Variants in CRB1 observed in about 807,000 individuals in gnomAD.
The protein encoded by CRB1 is crumbs cell polarity complex component 1.
A neutral mutation model predicts 120.0 loss-of-function variants in CRB1; 83 were observed. That is an observed-to-expected ratio of 0.69 (90% CI 0.58 to 0.83). The LOEUF is 0.83. Among genes scored for constraint, CRB1 ranks in the 40% least tolerant of loss-of-function variants. The pLI, the probability that CRB1 is intolerant of heterozygous loss-of-function variation, is 0.00. For missense variants in CRB1, 1,699 were observed against 1,687.6 expected, an observed-to-expected ratio of 1.01 and a Z score of -0.12; for synonymous variants, 625 against 612.5, an observed-to-expected ratio of 1.02 and a Z score of -0.30.
intron 2 of CRB1, among the ~76,000 whole-genome samples, chr1:197,336,125 T>C (rs1417475776): frequency 6.6e-6 from 1 of 152,248 alleles, no homozygotes; most frequent in Non-Finnish European, 1.5e-5. Flanking sequence ...AGCACTTCTT[T>C]TACTTTTAAT....
chr1:197,265,267 C>T (rs1055074259), upstream of CRB1, among the ~76,000 whole-genome samples: 3 of 151,634 alleles, frequency 2.0e-5, no homozygotes, highest in Admixed American at 1.3e-4. Context: ...TTCTTTATTT[C>T]CTTCTTTCTT....
chr1:197,216,277 C>T, the CRB1 span, among the ~76,000 whole-genome samples: 11 of 152,244 alleles, frequency 7.2e-5, no homozygotes, highest in South Asian at 1.7e-3. Flanking sequence ...CACTATAGCT[C>T]CCATATTAAC....
At chr1:197,434,488 T>C (rs1665024973) in intron 8 of CRB1, among the ~76,000 whole-genome samples, 1 of 152,104 alleles carries the variant, frequency 6.6e-6, no homozygotes, top group Admixed American at 6.6e-5. Context: ...ATTCTGTGAG[T>C]CTCAACTTCT....
the CRB1 span, chr1:197,223,399 GT>G: frequency 3.3e-5 from 16 of 479,738 alleles, no homozygotes; most frequent in Middle Eastern, 5.8e-4. Flanking sequence ...TGTGCCTATG[GT>G]TTTTTTTAGA....
chr1:197,328,324 A>G (rs1444269566), intron 1 of CRB1, 98 bp from the exon 2 acceptor site: 1 of 904,674 alleles, frequency 1.1e-6, no homozygotes, highest in Non-Finnish European at 1.7e-6. Context: ...GTATTTTATT[A>G]ATGAGTTTGG....
intron 5 of CRB1, among the ~76,000 whole-genome samples, chr1:197,384,387 C>T (rs1309479922): frequency 6.6e-6 from 1 of 152,142 alleles, no homozygotes; most frequent in Non-Finnish European, 1.5e-5. Context: ...TTCCCCCTGA[C>T]AACAATGGAT....
rs551227605 is a variant in CRB1 at position 197,325,370 on chromosome 1, T to C, written c.71-3052T>C. 2.0e-5 allele frequency among the ~76,000 whole-genome samples: 3 copies of C among 152,332 alleles called. No individual in the cohort carries two copies. In the South Asian group the frequency reaches 6.2e-4, roughly 32 times the overall value. ...TACCTTCTATTTCATTCTGATTACA[T>C]TTCATTAGCAAAACATAGCAAATGT... is the stretch of plus-strand genomic sequence containing the variant. On this transcript the variant is annotated intron_variant, in intron 1 of 11. Coordinates refer to ENST00000367400, the MANE Select transcript of CRB1 (RefSeq NM_201253.3).
chr1:197,274,683 T>C (rs574238405), intron 1 of CRB1, among the ~76,000 whole-genome samples: 4 of 152,326 alleles, frequency 2.6e-5, no homozygotes, highest in African/African-American at 7.2e-5. Context: ...AATCATACAA[T>C]ATGTAGCCTT....
At chr1:197,314,404 C>T (rs1657722986) in intron 1 of CRB1, among the ~76,000 whole-genome samples, 1 of 152,030 alleles carries the variant, frequency 6.6e-6, no homozygotes, top group South Asian at 2.1e-4. Context: ...GCAAAGTTTT[C>T]TCATTGTTTA....
chr1:197,273,565 T>A lies in CRB1; in HGVS notation c.70+5083T>A, dbSNP rs531717937. ...ATAAATTATTCGAAATTCTTCTGCATAGGAGATCTGGCTCTTCTCTTTCAT... is the reference window on the plus strand; with the variant it reads ...ATAAATTATTCGAAATTCTTCTGCAAAGGAGATCTGGCTCTTCTCTTTCAT... On this transcript the variant is annotated intron_variant, in intron 1 of 11. Coordinates refer to ENST00000367400, the MANE Select transcript of CRB1 (RefSeq NM_201253.3). Among the ~76,000 whole-genome samples, 63 of 152,286 alleles carry A rather than the reference T, an allele frequency of 4.1e-4. No individual in the cohort carries two copies. The South Asian group carries it at 0.013, about 31-fold the overall frequency.
intron 1 of CRB1, among the ~76,000 whole-genome samples, chr1:197,303,424 T>C (rs573531961): frequency 1.6e-4 from 25 of 151,902 alleles, no homozygotes; most frequent in Admixed American, 7.2e-4. Flanking sequence ...TCATTTTTCC[T>C]GTTTCTTTTT....
chr1:197,312,824 T>A (rs1764791), intron 1 of CRB1, among the ~76,000 whole-genome samples: 104,439 of 151,456 alleles, frequency 0.69, 36,213 homozygotes, highest in East Asian at 0.92. Context: ...TTTTTACACA[T>A]AGCAACATTT....
chr1:197,447,816 T>A (rs917915690), intron 11 of CRB1, among the ~76,000 whole-genome samples: 1 of 145,322 alleles, frequency 6.9e-6, no homozygotes, highest in Admixed American at 7.2e-5. Context: ...ATGGCACCAC[T>A]GCACTCCAGC....
intron 11 of CRB1, among the ~76,000 whole-genome samples, chr1:197,454,513 T>G (rs1438594569): frequency 1.3e-5 from 2 of 152,294 alleles, no homozygotes; most frequent in East Asian, 3.9e-4. Flanking sequence ...ACGGAAATCA[T>G]GCAACATAGG....
At chr1:197,416,462 T>C (rs1415227693) in intron 5 of CRB1, among the ~76,000 whole-genome samples, 1 of 152,142 alleles carries the variant, frequency 6.6e-6, no homozygotes, top group Non-Finnish European at 1.5e-5. Flanking sequence ...ATATTGTAAA[T>C]ACATTCAGGC....
At chr1:197,453,805 T>C (rs896333108) in intron 11 of CRB1, among the ~76,000 whole-genome samples, 36 of 143,272 alleles carry the variant, frequency 2.5e-4, no homozygotes, top group African/African-American at 7.9e-4. Context: ...ATATTAATAA[T>C]AATATATTGT....
chr1:197,473,629 A>AT (rs1667076039), intron 11 of CRB1, among the ~76,000 whole-genome samples: 1 of 151,972 alleles, frequency 6.6e-6, no homozygotes, highest in African/African-American at 2.4e-5. Flanking sequence ...AAAAAAAAAA[A>AT]ACAATTCTAC....
chr1:197,452,139 C>T (rs182636346), intron 11 of CRB1, among the ~76,000 whole-genome samples: 13 of 152,140 alleles, frequency 8.5e-5, no homozygotes, highest in Admixed American at 8.5e-4. Flanking sequence ...AGAGAGAGTG[C>T]TTTATTTAGA....
chr1:197,380,826 T>C (rs1661917234), intron 5 of CRB1, among the ~76,000 whole-genome samples: 1 of 152,160 alleles, frequency 6.6e-6, no homozygotes, highest in Non-Finnish European at 1.5e-5. Context: ...TCTGAGTGCA[T>C]CTCCATGCCA....
Sources: allele counts gnomAD v4.1 joint callset (sites outside exome capture counted in the v4.1 genomes callset), GRCh38; gene constraint gnomAD v4.1.1; transcripts MANE v1.5; gene names NCBI Gene and HGNC (gene_info 2026-07-23, HGNC 2026-07-21).